NDUFA12: variants seen among roughly 807,000 people sequenced by gnomAD.
NDUFA12 encodes NADH dehydrogenase [ubiquinone] 1 alpha subcomplex subunit 12.
NDUFA12 carries 17 observed loss-of-function variants against 20.3 expected under a neutral mutation model. The observed-to-expected ratio is 0.84, with a 90% confidence interval of 0.57 to 1.26. NDUFA12 has a LOEUF of 1.26. Among genes scored for constraint, NDUFA12 ranks in the 50% most tolerant of loss-of-function variants. The pLI is 0.00. For synonymous variants in NDUFA12, 72 were observed against 63.6 expected, an observed-to-expected ratio of 1.13 and a Z score of -0.63; for missense variants, 191 against 183.7, an observed-to-expected ratio of 1.04 and a Z score of -0.23.
intron 3 of NDUFA12, among the ~76,000 whole-genome samples, chr12:94,992,569 T>C (rs1442047453): frequency 6.6e-6 from 1 of 152,204 alleles, no homozygotes; most frequent in African/African-American, 2.4e-5. Flanking sequence ...TGGAGCTTTC[T>C]AATTGCCTCA....
At chr12:94,972,363 GTGGAAATGCATTTTAGAAC>G in intron 3 of NDUFA12, 1 of 370,030 alleles carries the variant, frequency 2.7e-6, no homozygotes, top group Non-Finnish European at 5.6e-6. Flanking sequence ...AATTTTAGAC[GTGGAAATGCATTTTAGAAC>G]TGATAAAAAT....
chr12:94,985,575 T>C (rs10745713), intron 3 of NDUFA12, among the ~76,000 whole-genome samples: 126,304 of 145,134 alleles, frequency 0.87, 54,951 homozygotes, highest in Admixed American at 0.91. Context: ...TGCAGTGAGC[T>C]GAGATCACGC....
At chr12:95,001,017 T>C (rs1436059018) in intron 2 of NDUFA12, among the ~76,000 whole-genome samples, 1 of 152,216 alleles carries the variant, frequency 6.6e-6, no homozygotes, top group African/African-American at 2.4e-5. Flanking sequence ...ATGTTGCTTT[T>C]AAAATTTACT....
At chr12:94,996,521 G>A (rs1340342074) in intron 2 of NDUFA12, among the ~76,000 whole-genome samples, 1 of 151,762 alleles carries the variant, frequency 6.6e-6, no homozygotes, top group Non-Finnish European at 1.5e-5. Flanking sequence ...CAATGCAAGG[G>A]AGAACAGAAG....
At chr12:94,990,094 T>C (rs1201856577) in intron 3 of NDUFA12, among the ~76,000 whole-genome samples, 1 of 152,050 alleles carries the variant, frequency 6.6e-6, no homozygotes, top group East Asian at 1.9e-4. Context: ...AGGTTGATGG[T>C]TCTAAACCTA....
chr12:94,982,467 G>A (rs373869785), intron 3 of NDUFA12, among the ~76,000 whole-genome samples: 49 of 151,832 alleles, frequency 3.2e-4, no homozygotes, highest in African/African-American at 1.1e-3. Context: ...AAGTGGAGAC[G>A]GGGTTTCACT....
chr12:94,986,316 AGAG>A (rs1874440628), intron 3 of NDUFA12, among the ~76,000 whole-genome samples: 4 of 152,016 alleles, frequency 2.6e-5, no homozygotes, highest in Admixed American at 2.6e-4. Flanking sequence ...AGTATAAGAA[AGAG>A]GAGATGTTGA....
intron 3 of NDUFA12, among the ~76,000 whole-genome samples, chr12:94,973,417 T>C (rs796088533): frequency 6.6e-6 from 1 of 152,220 alleles, no homozygotes; most frequent in Non-Finnish European, 1.5e-5. Context: ...TATGAGACGA[T>C]AGTGGTGAGC....
chr12:94,971,545 C>A lies in NDUFA12; in HGVS notation c.333G>T (p.Thr111=). Residue 111 remains threonine, a synonymous_variant, in exon 4 of 4, where the codon ACG becomes ACT. Transcript: ENST00000327772. ...TGCCAGTCACGTTGAATTTATGGTT[C>A]GTCCAAATGAATTTACGAGCAGTAA... ...KPLTARKFIW[T]NHKFNVTGTP... 1 of 1,614,098 alleles carries A rather than the reference C, an allele frequency of 6.2e-7. No individual in the cohort carries two copies.
chr12:94,983,678 AG>A (rs1874315600), intron 3 of NDUFA12, among the ~76,000 whole-genome samples: 1 of 152,198 alleles, frequency 6.6e-6, no homozygotes, highest in South Asian at 2.1e-4. Context: ...TCCACAGTAT[AG>A]ACAACTAATA....
intron 1 of NDUFA12, among the ~76,000 whole-genome samples, chr12:95,003,208 T>C (rs1875121300): frequency 6.6e-6 from 1 of 152,120 alleles, no homozygotes; most frequent in Non-Finnish European, 1.5e-5. Context: ...GTGGGATCAG[T>C]GAATGTCAGG....
intron 3 of NDUFA12, among the ~76,000 whole-genome samples, chr12:94,990,994 T>C (rs1025230354): frequency 1.3e-5 from 2 of 152,164 alleles, no homozygotes; most frequent in African/African-American, 4.8e-5. Flanking sequence ...TTTAAAGTGC[T>C]CTAGAAAGGC....
At chr12:94,981,590 G>A (rs1432703342) in intron 3 of NDUFA12, among the ~76,000 whole-genome samples, 1 of 151,994 alleles carries the variant, frequency 6.6e-6, no homozygotes, top group Non-Finnish European at 1.5e-5. Context: ...GGAAAATGAA[G>A]GTACTGTAAA....
chr12:94,981,796 G>A (rs1005142185), intron 3 of NDUFA12, among the ~76,000 whole-genome samples: 3 of 152,182 alleles, frequency 2.0e-5, no homozygotes, highest in Non-Finnish European at 1.5e-5. Context: ...TTAGGTTCTA[G>A]GCAATCCGTT....
intron 3 of NDUFA12, among the ~76,000 whole-genome samples, chr12:94,986,839 C>T (rs974816817): frequency 1.3e-5 from 2 of 151,516 alleles, no homozygotes; most frequent in Admixed American, 6.6e-5. Context: ...TAAAAACCTC[C>T]AAAGAACTCC....
intron 2 of NDUFA12, among the ~76,000 whole-genome samples, chr12:95,001,975 T>G (rs962012891): frequency 5.3e-5 from 8 of 151,150 alleles, no homozygotes; most frequent in Non-Finnish European, 1.2e-4. Flanking sequence ...AGTGCTGGGA[T>G]TACAGGCGTG....
At chr12:94,974,024 T>C (rs1482834705) in intron 3 of NDUFA12, among the ~76,000 whole-genome samples, 1 of 141,290 alleles carries the variant, frequency 7.1e-6, no homozygotes, top group Non-Finnish European at 1.5e-5. Context: ...CAGGCTGGAG[T>C]GCAGTGGTGA....
chr12:94,971,771 T>C (rs370304301), intron 3 of NDUFA12, 151 bp from the exon 4 acceptor site: 1 of 871,516 alleles, frequency 1.1e-6, no homozygotes, highest in Admixed American at 1.7e-5. Flanking sequence ...TGCCTTAGAT[T>C]TTTTCCATCT....
chr12:95,001,861 C>T (rs1439110281), intron 2 of NDUFA12, among the ~76,000 whole-genome samples: 5 of 151,976 alleles, frequency 3.3e-5, no homozygotes, highest in Non-Finnish European at 7.4e-5. Flanking sequence ...CACGCCACCA[C>T]ATCCAGCTAA....
Sources: allele counts gnomAD v4.1 joint callset (sites outside exome capture counted in the v4.1 genomes callset), GRCh38; gene constraint gnomAD v4.1.1; transcripts MANE v1.5; gene names NCBI Gene and HGNC (gene_info 2026-07-23, HGNC 2026-07-21).